Variants in ZFYVE28 observed in about 807,000 individuals in gnomAD.
ZFYVE28 encodes zinc finger FYVE-type containing 28.
ZFYVE28 carries 40 observed loss-of-function variants against 82.1 expected under a neutral mutation model. The ratio of observed to expected loss-of-function variants is 0.49; its 90% CI spans 0.38 to 0.63. The LOEUF (loss-of-function observed/expected upper bound fraction) is 0.63, where lower values mean the gene tolerates loss of function less well. Ranked by LOEUF, ZFYVE28 falls within the 30% of genes least tolerant of loss-of-function variation. The pLI is 0.00. For missense variants in ZFYVE28, 1,321 were observed against 1,242.1 expected (o/e 1.06, Z -0.96); for synonymous variants, 612 against 546.1 (o/e 1.12, Z -1.68).
At chr4:2,382,035 T>C (rs1236916398) in intron 1 of ZFYVE28, among the ~76,000 whole-genome samples, 1 of 152,216 alleles carries the variant, frequency 6.6e-6, no homozygotes, top group Non-Finnish European at 1.5e-5. Flanking sequence ...GCCCCAAGCC[T>C]TGGCAGCTTC....
rs1473623532 is a variant in ZFYVE28, at chr4:2,308,698, A to AAAAGAAAAAAGAAAAGAAAAG, written c.804-3183_804-3163dup. Among the ~76,000 whole-genome samples, 498 of 140,458 alleles carry AAAAGAAAAAAGAAAAGAAAAG rather than the reference A, an allele frequency of 3.5e-3. 5 individuals are homozygous for AAAAGAAAAAAGAAAAGAAAAG. The highest frequency in any genetic ancestry group is 0.018 in the South Asian group (80 of 4,502). 92.1% of individuals were successfully genotyped at this position (140,458 alleles called of 152,430 possible). ...GAAAGAGAAAGAAAGAAAAGAAAAG[A>AAAAGAAAAAAGAAAAGAAAAG]AAAGAAAAAAGAAAAGAAAAGAAAG... On this transcript the variant is annotated intron_variant, in intron 7 of 12. Transcript: ENST00000290974.
At chr4:2,311,233 C>G (rs1001670591) in intron 7 of ZFYVE28, among the ~76,000 whole-genome samples, 31 of 152,034 alleles carry the variant, frequency 2.0e-4, no homozygotes, top group Non-Finnish European at 3.7e-4. Flanking sequence ...TTTAAAATAA[C>G]TAACTTTTGG....
intron 6 of ZFYVE28, among the ~76,000 whole-genome samples, chr4:2,331,726 G>A (rs1578123580): frequency 6.6e-6 from 1 of 152,124 alleles, no homozygotes; most frequent in African/African-American, 2.4e-5. Flanking sequence ...CCCCACAGGG[G>A]TGACCCCCAG....
intron 1 of ZFYVE28, among the ~76,000 whole-genome samples, chr4:2,410,787 G>A (rs1224141815): frequency 6.6e-6 from 1 of 152,116 alleles, no homozygotes; most frequent in Non-Finnish European, 1.5e-5. Flanking sequence ...GAGCCACCAC[G>A]CCCTTTCTAA....
intron 7 of ZFYVE28, among the ~76,000 whole-genome samples, chr4:2,309,456 G>C (rs1717176735): frequency 6.6e-6 from 1 of 152,222 alleles, no homozygotes; most frequent in East Asian, 1.9e-4. Context: ...CTGGCATACA[G>C]AAAGACCACT....
chr4:2,375,645 T>C (rs1263793626), intron 1 of ZFYVE28, among the ~76,000 whole-genome samples: 1 of 28,814 alleles, frequency 3.5e-5, no homozygotes, highest in African/African-American at 1.6e-4. Flanking sequence ...GGAAACGACG[T>C]GGCGCCTGCC....
chr4:2,356,459 C>A (rs992504328), intron 1 of ZFYVE28, among the ~76,000 whole-genome samples: 3 of 141,288 alleles, frequency 2.1e-5, no homozygotes, highest in Admixed American at 7.3e-5. Context: ...TGCCTGCCCC[C>A]CCGGCCGTTG....
At chr4:2,328,495 T>C (rs1424058371) in intron 6 of ZFYVE28, 1 of 152,170 alleles carries the variant, frequency 6.6e-6, no homozygotes. Flanking sequence ...CAGTTAATAA[T>C]AGAGTGCTGT....
At chr4:2,328,943 G>A (rs1720276533) in intron 6 of ZFYVE28, 3 of 489,526 alleles carry the variant, frequency 6.1e-6, no homozygotes, top group East Asian at 2.9e-5. Context: ...ATAGATGTTT[G>A]GGTTTATTTA....
At chr4:2,398,548 A>T (rs1348633499) in intron 1 of ZFYVE28, among the ~76,000 whole-genome samples, 1 of 152,118 alleles carries the variant, frequency 6.6e-6, no homozygotes, top group East Asian at 1.9e-4. Flanking sequence ...GAAGGAAAAT[A>T]GGTGAGATCC....
chr4:2,367,729 T>TG (rs1261838127), intron 1 of ZFYVE28, among the ~76,000 whole-genome samples: 1 of 152,122 alleles, frequency 6.6e-6, no homozygotes, highest in Admixed American at 6.5e-5. Context: ...GGCTCAGGCC[T>TG]GGGGGGCCAT....
intron 8 of ZFYVE28, among the ~76,000 whole-genome samples, chr4:2,282,168 C>T (rs139870840): frequency 2.4e-3 from 362 of 152,368 alleles, no homozygotes; most frequent in African/African-American, 8.2e-3. Flanking sequence ...CCACCTTCTG[C>T]AGCTGCCAGA....
At position 2,362,521 on chromosome 4, in the gene ZFYVE28, C is replaced by T. The variant is rs1726303285; in HGVS notation, c.40-8448G>A. Among the ~76,000 whole-genome samples, 1 of 151,710 alleles carries T rather than the reference C, an allele frequency of 6.6e-6. No homozygotes were observed. The highest frequency in any genetic ancestry group is 1.5e-5 in the Non-Finnish European group (1 of 68,018). The stretch of plus-strand genomic sequence containing the variant: ...CAGGCCCAGCCCCTCCTGCACATGC[C>T]CAACCCCTCCTGTCCGCACTGAGGC... On this transcript the variant is annotated intron_variant, in intron 1 of 12. Transcript: ENST00000290974. This position sits in a 1 kb window ranked among gnomAD's most constrained non-coding sequence, Gnocchi z 5.1.
chr4:2,350,426 T>C (rs1238012008), intron 2 of ZFYVE28, among the ~76,000 whole-genome samples: 11 of 151,230 alleles, frequency 7.3e-5, no homozygotes, highest in Admixed American at 2.6e-4. Context: ...ATCGCGCCAC[T>C]GCACTCCAGC....
chr4:2,328,655 C>A (rs972284815), intron 6 of ZFYVE28: 1 of 153,186 alleles, frequency 6.5e-6, no homozygotes, highest in African/African-American at 2.4e-5. Flanking sequence ...TATAAATCTG[C>A]GCAATTATAA....
chr4:2,394,910 G>T lies in ZFYVE28; in HGVS notation c.39+23375C>A, dbSNP rs1409886485. Among the ~76,000 whole-genome samples, 4 of 152,224 alleles carry T rather than the reference G, an allele frequency of 2.6e-5. No individual in the cohort carries two copies. Among genetic ancestry groups the T allele is most frequent in the Non-Finnish European group, 5.9e-5 (4 of 68,040 alleles). On this transcript the variant is annotated intron_variant, in intron 1 of 12. Transcript: ENST00000290974. This position sits in a 1 kb window ranked among gnomAD's most constrained non-coding sequence, Gnocchi z 4.0. ...TCATTCAATCTCTTCCCTGCAAAGGGTAAGGCCAGCCCTAATGATGCTCTC... is the reference window on the plus strand; with the variant it reads ...TCATTCAATCTCTTCCCTGCAAAGGTTAAGGCCAGCCCTAATGATGCTCTC...
At chr4:2,365,662 G>A (rs769550480) in intron 1 of ZFYVE28, among the ~76,000 whole-genome samples, 14 of 152,120 alleles carry the variant, frequency 9.2e-5, no homozygotes, top group Admixed American at 2.0e-4. Flanking sequence ...GCTGGAAGAC[G>A]GCCAGCACTG....
At position 2,304,540 on chromosome 4, in the gene ZFYVE28, G is replaced by A. The variant is rs556516212; in HGVS notation, c.1800C>T (p.Ala600=). The change falls in exon 8 of 13, where the codon GCC becomes GCT. Residue 600 remains alanine (A), a synonymous_variant. Transcript: ENST00000290974. ...VIGASYAAGL[A]KASDRAPERQ... ...TCTCAGGGGCCCTGTCGCTGGCCTT[G>A]GCTAAGCCGGCAGCGTACGAGGCAC... 12 of 1,612,760 alleles carry A rather than the reference G, an allele frequency of 7.4e-6. 1 individual carries two copies. In the East Asian group the frequency reaches 2.5e-4, roughly 33 times the overall value.
intron 6 of ZFYVE28, chr4:2,328,725 G>A (rs1278596439): frequency 5.6e-6 from 1 of 178,666 alleles, no homozygotes; most frequent in Non-Finnish European, 1.2e-5. Flanking sequence ...ATTCAGACTG[G>A]TATTTTACCA....
Sources: gnomAD v4.1 joint callset for allele counts (sites outside exome capture counted in the v4.1 genomes callset) on GRCh38, gnomAD v4.1.1 for gene constraint, Gnocchi (gnomAD v3.1) non-coding constraint, MANE v1.5 for transcripts, NCBI Gene and HGNC (gene_info 2026-07-23, HGNC 2026-07-21) for gene names.